GNG4: variants seen among roughly 807,000 people sequenced by gnomAD.
GNG4 encodes the protein G protein subunit gamma 4.
A neutral mutation model predicts 5.8 loss-of-function variants in GNG4; 4 were observed. The ratio of observed to expected loss-of-function variants is 0.69; its 90% CI spans 0.34 to 1.57. The LOEUF (loss-of-function observed/expected upper bound fraction) is 1.57. Among genes scored for constraint, GNG4 ranks in the 40% most tolerant of loss-of-function variants. GNG4 has a pLI of 0.06. For synonymous variants in GNG4, 29 were observed against 32.9 expected, an observed-to-expected ratio of 0.88 and a Z score of 0.41; for missense variants, 96 against 95.1, an observed-to-expected ratio of 1.01 and a Z score of -0.04.
In GNG4 at chr1:235,612,065, CAAAAAAAAAAAA is replaced by C. The variant is rs68070269; in HGVS notation, c.-122-16566_-122-16555del. Among the ~76,000 whole-genome samples the C allele has an allele frequency of 4.1e-3, 381 of 93,486 alleles. 4 individuals are homozygous for C. Among genetic ancestry groups the C allele is most frequent in the Non-Finnish European group, 6.2e-3 (325 of 52,758 alleles). 61.3% of individuals were successfully genotyped at this position (93,486 alleles called of 152,430 possible). On this transcript the variant is annotated intron_variant, in intron 1 of 3. Transcript: ENST00000391854. ...GGCGACAGAGTGAGACTTTGTCTCACAAAAAAAAAAAAAAAAAAAAAAAAAAGAGGAGAAAGA... is the reference window on the plus strand; with the variant it reads ...GGCGACAGAGTGAGACTTTGTCTCACAAAAAAAAAAAAAAGAGGAGAAAGA...
intron 3 of GNG4, among the ~76,000 whole-genome samples, chr1:235,561,112 A>C (rs1187638974): frequency 6.6e-6 from 1 of 151,990 alleles, no homozygotes; most frequent in Non-Finnish European, 1.5e-5. Flanking sequence ...CGGGTTCAAG[A>C]CATTCTCCTG....
intron 1 of GNG4, among the ~76,000 whole-genome samples, chr1:235,608,187 C>T (rs746140876): frequency 3.9e-5 from 6 of 152,114 alleles, no homozygotes; most frequent in African/African-American, 9.7e-5. Flanking sequence ...CCACCCACCT[C>T]GGCCTCCCAA....
intron 1 of GNG4, among the ~76,000 whole-genome samples, chr1:235,596,209 T>TACACACACACACACACACACACACACAC (rs59527448): frequency 2.2e-5 from 3 of 133,572 alleles, no homozygotes; most frequent in East Asian, 4.8e-4. Flanking sequence ...ACAAACAAAA[T>TACACACACACACACACACACACACACAC]ACACACACAC....
chr1:235,561,242 C>A (rs1687054020), intron 3 of GNG4, among the ~76,000 whole-genome samples: 1 of 152,136 alleles, frequency 6.6e-6, no homozygotes, highest in African/African-American at 2.4e-5. Flanking sequence ...ATCTCCTGAC[C>A]TCGTGATCCG....
At chr1:235,586,643 ACT>A (rs765958740) in intron 2 of GNG4, among the ~76,000 whole-genome samples, 6 of 152,114 alleles carry the variant, frequency 3.9e-5, no homozygotes, top group Non-Finnish European at 7.3e-5. Flanking sequence ...AGTGAAAGTC[ACT>A]CTGAGTTCAT....
At chr1:235,558,491 C>T (rs1045785044) in intron 3 of GNG4, among the ~76,000 whole-genome samples, 3 of 152,098 alleles carry the variant, frequency 2.0e-5, no homozygotes, top group African/African-American at 7.2e-5. Flanking sequence ...AGGTGGCGTC[C>T]CAACAAATAG....
chr1:235,598,523 C>T (rs926810983), intron 1 of GNG4, among the ~76,000 whole-genome samples: 19 of 152,080 alleles, frequency 1.2e-4, no homozygotes, highest in East Asian at 7.7e-4. Context: ...GCAGGAGGAT[C>T]GCCTGAGCCT....
intron 3 of GNG4, among the ~76,000 whole-genome samples, chr1:235,569,141 T>C (rs564985292): frequency 6.6e-6 from 1 of 152,218 alleles, no homozygotes; most frequent in Non-Finnish European, 1.5e-5. Context: ...CCTGTTTTCT[T>C]GTCTGTGAAA....
chr1:235,593,526 G>T (rs1471332741), intron 2 of GNG4, among the ~76,000 whole-genome samples: 1 of 152,226 alleles, frequency 6.6e-6, no homozygotes, highest in African/African-American at 2.4e-5. Flanking sequence ...AGCTGGGTCC[G>T]GAATTGGTGG....
intron 1 of GNG4, among the ~76,000 whole-genome samples, chr1:235,598,007 C>G (rs1027055747): frequency 6.6e-6 from 1 of 152,160 alleles, no homozygotes; most frequent in African/African-American, 2.4e-5. Flanking sequence ...CAACTGGCTT[C>G]CCTGACTCTG....
chr1:235,578,452 T>C (rs1412387224), intron 3 of GNG4, among the ~76,000 whole-genome samples: 1 of 152,210 alleles, frequency 6.6e-6, no homozygotes, highest in Non-Finnish European at 1.5e-5. Context: ...GAAATCAGTA[T>C]GTCAAAGAAA....
chr1:235,572,648 C>T (rs111513600), intron 3 of GNG4, among the ~76,000 whole-genome samples: 1,662 of 151,862 alleles, frequency 0.011, 27 homozygotes, highest in African/African-American at 0.038. Context: ...ACTACAGGTG[C>T]GCCACCATGC....
chr1:235,567,098 TA>T lies in GNG4; in HGVS notation c.100-14862del, dbSNP rs941442927. Among the ~76,000 whole-genome samples, 506 of 146,518 alleles carry T rather than the reference TA, an allele frequency of 3.5e-3. 5 individuals are homozygous for T. The highest frequency in any genetic ancestry group is 1.8e-3 in the East Asian group (9 of 5,026). ...GCACATACCACCATGTCCAGCTAAT[TA>T]AAAAAAAAAAATTTAGTAGAGATGT... On this transcript the variant is annotated intron_variant, in intron 3 of 3. Coordinates refer to ENST00000391854, the MANE Select transcript of GNG4 (RefSeq NM_001098722.2).
intron 1 of GNG4, among the ~76,000 whole-genome samples, chr1:235,609,679 A>T (rs192883818): frequency 1.6e-4 from 24 of 152,244 alleles, no homozygotes; most frequent in African/African-American, 5.8e-4. Context: ...TTGAGAGGCC[A>T]AGGCAGGCAG....
rs1657342704 is a variant in GNG4 at position 235,642,013 on chromosome 1, AT to A, written c.-123+7648del. ...TAACAGAACTTCCATGAGGGCGGGG[AT>A]TTTTCGCTTCCCCCGCAACTGCCTG... On this transcript the variant is annotated intron_variant, in intron 1 of 3. Transcript: ENST00000391854. The surrounding 1 kb of genome is among the most constrained non-coding windows in gnomAD (Gnocchi z 4.3). Among the ~76,000 whole-genome samples the A allele has an allele frequency of 6.6e-6, 1 of 152,106 alleles. No homozygotes were observed. Among genetic ancestry groups the A allele is most frequent in the East Asian group, 1.9e-4 (1 of 5,184 alleles).
rs976621204 is a variant in GNG4, at chr1:235,583,751, C to T, written c.88G>A (p.Asp30Asn). The change falls in exon 3 of 4, where the codon GAC becomes AAC. Residue 30 changes from aspartate to asparagine, a missense_variant. Transcript: ENST00000391854. ...VEQLKMEACM[D>N]RVKVSQAAAD... ...GCATGCATGCTTACCTTGACCCTGT[C>T]CATACAGGCTTCCATCTTTAGCTGC... 6 of 1,609,876 alleles carry T rather than the reference C, an allele frequency of 3.7e-6. No homozygotes were observed. The African/African-American group carries it at 8.0e-5, about 22-fold the overall frequency.
chr1:235,558,827 G>T (rs1429192091), intron 3 of GNG4, among the ~76,000 whole-genome samples: 1 of 152,184 alleles, frequency 6.6e-6, no homozygotes, highest in Non-Finnish European at 1.5e-5. Flanking sequence ...CCCCGTCTTA[G>T]TATTGAACTG....
intron 1 of GNG4, among the ~76,000 whole-genome samples, chr1:235,629,664 T>G (rs1351299845): frequency 6.6e-6 from 1 of 151,828 alleles, no homozygotes; most frequent in African/African-American, 2.4e-5. Flanking sequence ...TGGCATGATC[T>G]CGGCTCACTG....
At chr1:235,575,059 G>A (rs1461921599) in intron 3 of GNG4, among the ~76,000 whole-genome samples, 4 of 152,048 alleles carry the variant, frequency 2.6e-5, no homozygotes, top group African/African-American at 9.7e-5. Flanking sequence ...TCCTGACCTC[G>A]AATGATCCAC....
Sources: gnomAD v4.1 joint callset for allele counts (sites outside exome capture counted in the v4.1 genomes callset) on GRCh38, gnomAD v4.1.1 for gene constraint, Gnocchi (gnomAD v3.1) non-coding constraint, MANE v1.5 for transcripts, NCBI Gene and HGNC (gene_info 2026-07-23, HGNC 2026-07-21) for gene names.